The following ST6GAL1 variants were observed in gnomAD, a reference collection of about 807,000 sequenced individuals.
The protein encoded by ST6GAL1 is ST6 beta-galactoside alpha-2,6-sialyltransferase 1.
Under a neutral mutation model 38.0 loss-of-function variants are expected in ST6GAL1, and 20 were observed. The ratio of observed to expected loss-of-function variants is 0.53; its 90% CI spans 0.37 to 0.77. The LOEUF (loss-of-function observed/expected upper bound fraction) is 0.77, where lower values mean the gene tolerates loss of function less well. Ranked by LOEUF, ST6GAL1 falls within the 30% of genes least tolerant of loss-of-function variation. The pLI is 0.00. For missense variants in ST6GAL1, 432 were observed against 496.4 expected, an observed-to-expected ratio of 0.87 and a Z score of 1.23; for synonymous variants, 196 against 188.2, an observed-to-expected ratio of 1.04 and a Z score of -0.34.
Position 186,935,253 on chromosome 3 carries a change from T to C in ST6GAL1, c.-325+4419T>C, listed in dbSNP as rs191462629. 1.5e-4 allele frequency among the ~76,000 whole-genome samples: 23 copies of C among 152,286 alleles called. No homozygotes were observed. The East Asian group carries it at 3.1e-3, about 20-fold the overall frequency. On this transcript the variant is annotated intron_variant, in intron 1 of 7. Coordinates refer to ENST00000169298, the MANE Select transcript of ST6GAL1 (RefSeq NM_173216.2). The stretch of plus-strand genomic sequence containing the variant: ...TAGCTCCCACTTATAAGTAAGAACA[T>C]GTGGTATTGATTTTCTGCTCCTGCA...
At chr3:187,014,751 A>T (rs1372291697) in intron 2 of ST6GAL1, among the ~76,000 whole-genome samples, 3 of 152,182 alleles carry the variant, frequency 2.0e-5, no homozygotes, top group Non-Finnish European at 4.4e-5. Context: ...AGTGTGTCAA[A>T]ATGTTGATGT....
intron 4 of ST6GAL1, among the ~76,000 whole-genome samples, chr3:187,048,687 G>A (rs977516380): frequency 5.9e-5 from 9 of 152,084 alleles, no homozygotes; most frequent in Non-Finnish European, 8.8e-5. Flanking sequence ...GTCGTCTCCC[G>A]TGTCTAAAAC....
Position 186,965,415 on chromosome 3 carries a change from C to T in ST6GAL1, c.-183+1489C>T, listed in dbSNP as rs549736722. On this transcript the variant is annotated intron_variant, in intron 2 of 7. Coordinates refer to ENST00000169298, the MANE Select transcript of ST6GAL1 (RefSeq NM_173216.2). ...GCTAATAAATTAGCATAATGAAGTC[C>T]CAGCCTCTGTCCCCCTCCCTCTGCT... Among the ~76,000 whole-genome samples, 4 of 152,314 alleles carry T rather than the reference C, an allele frequency of 2.6e-5. No homozygotes were observed. The East Asian group carries it at 7.7e-4, about 29-fold the overall frequency.
intron 2 of ST6GAL1, among the ~76,000 whole-genome samples, chr3:186,978,350 C>T (rs1715584974): frequency 6.6e-6 from 1 of 152,216 alleles, no homozygotes. Flanking sequence ...TTTCAGGATG[C>T]TGTGAGCCAC....
intron 5 of ST6GAL1, among the ~76,000 whole-genome samples, chr3:187,058,222 A>G (rs1158171996): frequency 6.6e-6 from 1 of 152,182 alleles, no homozygotes; most frequent in African/African-American, 2.4e-5. Flanking sequence ...TGGCTAGGAA[A>G]GGGAAGTCCC....
chr3:187,029,272 G>A (rs1717657033), intron 2 of ST6GAL1, among the ~76,000 whole-genome samples: 1 of 152,042 alleles, frequency 6.6e-6, no homozygotes, highest in Non-Finnish European at 1.5e-5. Context: ...ATGTTGATGG[G>A]AGTAATCTTT....
chr3:186,970,215 C>CT lies in ST6GAL1; in HGVS notation c.-183+6306dup, dbSNP rs34302492. On this transcript the variant is annotated intron_variant, in intron 2 of 7. Coordinates refer to ENST00000169298, the MANE Select transcript of ST6GAL1 (RefSeq NM_173216.2). Reference sequence around the variant, plus strand: ...AACTATTTCTTTTTCTTTTCTTTTTCTTTTTTTTTTTTTTTTTAAGACAGA... The same window carrying CT: ...AACTATTTCTTTTTCTTTTCTTTTTCTTTTTTTTTTTTTTTTTTAAGACAGA... 3.7e-3 allele frequency among the ~76,000 whole-genome samples: 495 copies of CT among 132,808 alleles called. 7 individuals carry two copies. The highest frequency in any genetic ancestry group is 0.015 in the Middle Eastern group (4 of 268). The allele number at this position is 132,808 out of a possible 152,430, so 87.1% of individuals were successfully genotyped here.
chr3:186,945,964 T>C (rs1028906267), intron 1 of ST6GAL1, among the ~76,000 whole-genome samples: 45 of 124,346 alleles, frequency 3.6e-4, no homozygotes, highest in African/African-American at 1.1e-3. Context: ...GCACTCCAGC[T>C]TGGGTGACAG....
Position 187,003,928 on chromosome 3 carries a change from C to T in ST6GAL1, c.-182-34814C>T, listed in dbSNP as rs138575705. On this transcript the variant is annotated intron_variant, in intron 2 of 7. Coordinates refer to ENST00000169298, the MANE Select transcript of ST6GAL1 (RefSeq NM_173216.2). ...ACTTTCATACAAGGAAATGTGGCCT[C>T]AGGGATTGATGTGGTTTGAATATAT... 3.3e-3 allele frequency among the ~76,000 whole-genome samples: 501 copies of T among 152,234 alleles called. 3 individuals are homozygous for T. The highest frequency in any genetic ancestry group is 0.011 in the African/African-American group (469 of 41,532).
chr3:187,076,027 T>A lies in ST6GAL1; in HGVS notation c.*224T>A. ...AGCCCAGAGCCTCCTGCCACACACA[T>A]GCACACATATCTAGCATTCTTTCCA... On this transcript the variant is annotated 3_prime_UTR_variant, in exon 8 of 8. Transcript: ENST00000169298. 1.7e-6 allele frequency: 1 copy of A among 585,560 alleles called. No individual in the cohort carries two copies. Among genetic ancestry groups the A allele is most frequent in the Non-Finnish European group, 3.0e-6 (1 of 338,086 alleles). 36.3% of individuals were successfully genotyped at this position (585,560 alleles called of 1,614,324 possible).
intron 1 of ST6GAL1, among the ~76,000 whole-genome samples, chr3:186,962,802 G>A (rs1259840149): frequency 3.9e-5 from 6 of 152,158 alleles, no homozygotes; most frequent in Non-Finnish European, 8.8e-5. Flanking sequence ...GGAGGGTTGG[G>A]TACAATTTAT....
intron 2 of ST6GAL1, among the ~76,000 whole-genome samples, chr3:187,008,388 G>A (rs1716850947): frequency 6.8e-6 from 1 of 147,724 alleles, no homozygotes; most frequent in South Asian, 2.1e-4. Context: ...AAGGAAGGAA[G>A]GAAGGAAGAA....
chr3:187,033,305 G>C (rs1449252567), intron 2 of ST6GAL1, among the ~76,000 whole-genome samples: 2 of 152,094 alleles, frequency 1.3e-5, no homozygotes, highest in Non-Finnish European at 2.9e-5. Context: ...CCCAGCTACT[G>C]GGGAGGCTGA....
Position 186,984,744 on chromosome 3 carries a change from C to CT in ST6GAL1, c.-183+20819dup, listed in dbSNP as rs1560150867. Among the ~76,000 whole-genome samples the CT allele has an allele frequency of 4.8e-3, 317 of 66,690 alleles. 23 individuals are homozygous for CT. Among genetic ancestry groups the CT allele is most frequent in the African/African-American group, 7.8e-3 (138 of 17,686 alleles). The allele number at this position is 66,690 out of a possible 152,430, so 43.8% of individuals were successfully genotyped here. A position where few individuals can be genotyped will look rare whatever the true frequency, so the allele number is the denominator to read the frequency against. ...CTTCCTCCCTTCCTTCCTTCCTTCCCTCCCTCCCTCCCTCCCTCCCTCCTT... is the reference window on the plus strand; with the variant it reads ...CTTCCTCCCTTCCTTCCTTCCTTCCCTTCCCTCCCTCCCTCCCTCCCTCCTT... On this transcript the variant is annotated intron_variant, in intron 2 of 7. Coordinates refer to ENST00000169298, the MANE Select transcript of ST6GAL1 (RefSeq NM_173216.2).
At chr3:187,024,434 A>C (rs769621791) in intron 2 of ST6GAL1, among the ~76,000 whole-genome samples, 2 of 3,260 alleles carry the variant, frequency 6.1e-4, no homozygotes, top group Non-Finnish European at 1.0e-3. Context: ...CATATACTCT[A>C]TATATATATA....
chr3:187,066,065 G>C (rs540128182), intron 5 of ST6GAL1, among the ~76,000 whole-genome samples: 2 of 148,712 alleles, frequency 1.3e-5, no homozygotes, highest in Non-Finnish European at 3.0e-5. Context: ...CAGGTATCTG[G>C]ATGGGTTGGC....
At chr3:187,063,258 G>A (rs1262095974) in intron 5 of ST6GAL1, among the ~76,000 whole-genome samples, 1 of 152,206 alleles carries the variant, frequency 6.6e-6, no homozygotes, top group African/African-American at 2.4e-5. Context: ...CCCAGCAGGC[G>A]GGAGTCAGAG....
At chr3:187,000,236 A>G (rs1716570947) in intron 2 of ST6GAL1, among the ~76,000 whole-genome samples, 1 of 152,162 alleles carries the variant, frequency 6.6e-6, no homozygotes. Flanking sequence ...TAATAGAATT[A>G]CAATTTTAGT....
intron 1 of ST6GAL1, among the ~76,000 whole-genome samples, chr3:186,944,993 G>C (rs1480576810): frequency 6.6e-6 from 1 of 152,202 alleles, no homozygotes; most frequent in Non-Finnish European, 1.5e-5. Flanking sequence ...TCTGCTTTAA[G>C]GGAAGTCATG....
Sources: allele counts gnomAD v4.1 joint callset (sites outside exome capture counted in the v4.1 genomes callset), GRCh38; gene constraint gnomAD v4.1.1; transcripts MANE v1.5; gene names NCBI Gene and HGNC (gene_info 2026-07-23, HGNC 2026-07-21).